SACS: variants seen among roughly 807,000 people sequenced by gnomAD.
SACS encodes sacsin.
A neutral mutation model predicts 348.0 loss-of-function variants in SACS; 197 were observed. The ratio of observed to expected loss-of-function variants is 0.57; its 90% CI spans 0.50 to 0.64. SACS has a LOEUF of 0.64. SACS is among the 30% of genes least tolerant of loss of function. The pLI is 0.00. For synonymous variants in SACS, 1,985 were observed against 1,910.6 expected (o/e 1.04, Z -1.02); for missense variants, 4,999 against 5,360.8 (o/e 0.93, Z 2.11).
At chr13:23,380,725 G>C (rs1442917534) in intron 2 of SACS, among the ~76,000 whole-genome samples, 3 of 152,112 alleles carry the variant, frequency 2.0e-5, no homozygotes, top group Non-Finnish European at 4.4e-5. Context: ...ACCACACACA[G>C]GGCCATGACC....
Position 23,375,155 on chromosome 13 carries a change from C to G in SACS, c.135G>C (p.Pro45=), listed in dbSNP as rs532332781. ...KERIFAETGF[P]VSEQRLWRGG... Reference sequence around the variant, plus strand: ...CGCGCCACAGCCGCTGCTCCGACACCGGGAAGCCAGTCTCCGCGAAGATAC... The same window carrying G: ...CGCGCCACAGCCGCTGCTCCGACACGGGGAAGCCAGTCTCCGCGAAGATAC... The change falls in exon 3 of 10, where the codon CCG becomes CCC. Residue 45 remains proline, a synonymous_variant. Transcript: ENST00000382292. 1.7e-5 allele frequency: 26 copies of G among 1,504,256 alleles called. No individual in the cohort carries two copies. In the Admixed American group the frequency reaches 5.4e-4, roughly 31 times the overall value. 93.2% of individuals were successfully genotyped at this position (1,504,256 alleles called of 1,614,324 possible).
chr13:23,422,135 G>T (rs1873973393), intron 1 of SACS, among the ~76,000 whole-genome samples: 1 of 152,208 alleles, frequency 6.6e-6, no homozygotes. Context: ...AAGGAGCTTT[G>T]TGATGTACCT....
intron 2 of SACS, among the ~76,000 whole-genome samples, chr13:23,393,690 G>A (rs889250801): frequency 2.0e-5 from 3 of 152,190 alleles, no homozygotes; most frequent in African/African-American, 7.2e-5. Context: ...CTGAGTGATA[G>A]GAGTGTCTTT....
chr13:23,371,227 G>T, intron 3 of SACS, 62 bp from the exon 4 acceptor site: 1 of 982,710 alleles, frequency 1.0e-6, no homozygotes, highest in Non-Finnish European at 1.5e-6. Flanking sequence ...GTAAATTCAA[G>T]ACATTATCTC....
rs1870176788 is a variant in SACS, at chr13:23,354,381, A to C, written c.2093+138T>G. On this transcript the variant is annotated intron_variant, in intron 8 of 9. Transcript: ENST00000382292. ...AAAATGTATCCTTTGGTATTTTAACAATGTATTTCTGCAAAAGTCTTCCTA... is the reference window on the plus strand; with the variant it reads ...AAAATGTATCCTTTGGTATTTTAACCATGTATTTCTGCAAAAGTCTTCCTA... 5.7e-6 allele frequency: 4 copies of C among 705,904 alleles called. No individual in the cohort carries two copies. In the Admixed American group the frequency reaches 7.6e-5, roughly 13 times the overall value. 43.7% of individuals were successfully genotyped at this position (705,904 alleles called of 1,614,324 possible). A position where few individuals can be genotyped will look rare whatever the true frequency, so the allele number is the denominator to read the frequency against.
In SACS at chr13:23,365,233, T is replaced by C. The variant is rs1204732529; in HGVS notation, c.390A>G (p.Lys130=). 1 of 1,612,598 alleles carries C rather than the reference T, an allele frequency of 6.2e-7. No homozygotes were observed. Among genetic ancestry groups the C allele is most frequent in the Non-Finnish European group, 8.5e-7 (1 of 1,179,604 alleles). Residue 130 remains lysine, a synonymous_variant, in exon 6 of 10, where the codon AAA becomes AAG. Transcript: ENST00000382292. ...CGTATTGAGTTTCATCATATAAAAA[T>C]TTAACTTCTGTCGCCCCAGCATCTT... The part of the protein sequence containing the change: ...NAEDAGATEV[K]FLYDETQYGT...
intron 2 of SACS, among the ~76,000 whole-genome samples, chr13:23,390,913 C>A (rs1189509034): frequency 1.3e-5 from 2 of 152,146 alleles, no homozygotes; most frequent in African/African-American, 4.8e-5. Flanking sequence ...CACAGGAGTC[C>A]CTCCTTCTCC....
intron 2 of SACS, among the ~76,000 whole-genome samples, chr13:23,376,256 A>C (rs901721079): frequency 2.0e-5 from 3 of 152,224 alleles, no homozygotes; most frequent in Non-Finnish European, 2.9e-5. Context: ...ATGAGTCTTA[A>C]GAGTTGATGA....
Position 23,331,285 on chromosome 13 carries a change from G to C in SACS, c.12591C>G (p.Tyr4197Ter). The C allele has an allele frequency of 6.2e-7, 1 of 1,613,822 alleles. No homozygotes were observed. Among genetic ancestry groups the C allele is most frequent in the South Asian group, 1.1e-5 (1 of 91,072 alleles). ...TAATTGCATATGTGTATGTTGGCTG[G>C]TATGATCCATAGATATCACCACCTT... ...DAEGGDIYGS[Y>*]QPTYTYAIIV... Residue 4197 changes from tyrosine (Y) to a stop codon, truncating the protein, a stop_gained, in exon 10 of 10, where the codon TAC (tyrosine) becomes TAG (stop). Transcript: ENST00000382292. LOFTEE classifies it high-confidence loss of function.
At chr13:23,420,125 G>A (rs1228937292) in intron 1 of SACS, among the ~76,000 whole-genome samples, 1 of 151,910 alleles carries the variant, frequency 6.6e-6, no homozygotes, top group African/African-American at 2.4e-5. Flanking sequence ...CTGTGGTGTG[G>A]GTATCCACGT....
intron 2 of SACS, among the ~76,000 whole-genome samples, chr13:23,381,355 GCACACACACACACACACACACACA>G (rs71100174): frequency 7.1e-6 from 1 of 139,976 alleles, no homozygotes; most frequent in South Asian, 2.5e-4. Context: ...GCAGCACGAA[GCACACACACACACACACACACACA>G]CACACACACA....
intron 9 of SACS, 176 bp downstream of exon 9, chr13:23,353,609 G>C: frequency 1.7e-6 from 1 of 575,888 alleles, no homozygotes; most frequent in Non-Finnish European, 3.1e-6. Flanking sequence ...GATTCTTTTA[G>C]ACAGCATCTC....
At chr13:23,375,524 C>T in intron 2 of SACS, 1 of 1,093,522 alleles carries the variant, frequency 9.1e-7, no homozygotes, top group Non-Finnish European at 1.1e-6. Flanking sequence ...CTAGAGGAAG[C>T]CGCGGCGGCC....
At position 23,331,736 on chromosome 13, in the gene SACS, A is replaced by C; in HGVS notation, c.12140T>G (p.Val4047Gly). ...TGTTTGAAGCTTTTCAAAGCAGGAT[A>C]CTTTCAATCCTTCTCTTAGGGCTTT... ...LCKALREGLKVSCFEKLQTTL... is the reference protein window; with the variant it reads ...LCKALREGLKGSCFEKLQTTL... The change falls in exon 10 of 10, where the codon GTA becomes GGA. Residue 4047 changes from valine to glycine, a missense_variant. Val to Gly is a moderately radical substitution (Grantham distance 109, BLOSUM62 -3). Transcript: ENST00000382292. 6.2e-7 allele frequency: 1 copy of C among 1,614,020 alleles called. No individual in the cohort carries two copies. The highest frequency in any genetic ancestry group is 8.5e-7 in the Non-Finnish European group (1 of 1,179,954).
chr13:23,349,627 G>A (rs1031416233), intron 9 of SACS, among the ~76,000 whole-genome samples: 2 of 152,130 alleles, frequency 1.3e-5, no homozygotes, highest in Admixed American at 6.5e-5. Flanking sequence ...AACTCAACTG[G>A]CAAGGTGTGG....
At chr13:23,400,076 C>G (rs1268165351) in intron 2 of SACS, among the ~76,000 whole-genome samples, 1 of 152,028 alleles carries the variant, frequency 6.6e-6, no homozygotes, top group Non-Finnish European at 1.5e-5. Context: ...CTTTCTTTAA[C>G]TCTTACAATT....
chr13:23,375,221 G>A lies in SACS; in HGVS notation c.69C>T (p.Val23=), dbSNP rs1871677768. 2.0e-6 allele frequency: 3 copies of A among 1,499,220 alleles called. No homozygotes were observed. Among genetic ancestry groups the A allele is most frequent in the African/African-American group, 1.5e-5 (1 of 68,684 alleles). 92.9% of individuals were successfully genotyped at this position (1,499,220 alleles called of 1,614,324 possible). The part of the protein sequence containing the change: ...VLPGCVGCRT[V]AALASWTVRD... ...GCACGGTCCAGGACGCCAGCGCCGC[G>A]ACGGTCCTGCAGCCCACGCAGCCGG... The change falls in exon 3 of 10, where the codon GTC becomes GTT. Residue 23 remains valine, a synonymous_variant. Transcript: ENST00000382292.
At chr13:23,425,221 T>G (rs1324200673) in intron 1 of SACS, among the ~76,000 whole-genome samples, 2 of 151,958 alleles carry the variant, frequency 1.3e-5, no homozygotes, top group African/African-American at 2.4e-5. Context: ...GACATCCACT[T>G]GGGGCCTATG....
At chr13:23,424,799 T>C (rs757208286) in intron 1 of SACS, among the ~76,000 whole-genome samples, 4 of 152,244 alleles carry the variant, frequency 2.6e-5, no homozygotes, top group Admixed American at 6.5e-5. Context: ...AGCTTTGTGA[T>C]GTGCTGTTTT....
Sources: allele counts gnomAD v4.1 joint callset (sites outside exome capture counted in the v4.1 genomes callset), GRCh38; gene constraint gnomAD v4.1.1; transcripts MANE v1.5; gene names NCBI Gene and HGNC (gene_info 2026-07-23, HGNC 2026-07-21).